FRMPD4: variants seen among roughly 807,000 people sequenced by gnomAD.
The protein encoded by FRMPD4 is FERM and PDZ domain-containing protein 4.
FRMPD4 carries 22 observed loss-of-function variants against 94.1 expected under a neutral mutation model. The observed-to-expected ratio is 0.23, with a 90% CI of 0.17 to 0.33. FRMPD4 has a LOEUF of 0.33. FRMPD4 is among the 10% of genes least tolerant of loss of function. FRMPD4 has a pLI of 1.00. For synonymous variants in FRMPD4, 631 were observed against 548.6 expected (o/e 1.15, Z -2.10); for missense variants, 1,111 against 1,339.9 (o/e 0.83, Z 2.67).
chrX:12,502,724 TAC>T (rs1203959203), intron 2 of FRMPD4, among the ~76,000 whole-genome samples: 2 of 112,060 alleles, frequency 1.8e-5, no homozygotes, highest in African/African-American at 6.5e-5. Context: ...TAAGTATTAA[TAC>T]AGAGATAGAT....
chrX:12,321,714 G>A (rs1344444604), intron 1 of FRMPD4, among the ~76,000 whole-genome samples: 1 of 111,887 alleles, frequency 8.9e-6, no homozygotes, highest in Non-Finnish European at 1.9e-5. Flanking sequence ...CCTGATCTCT[G>A]TCCTCATGAA....
intron 1 of FRMPD4, among the ~76,000 whole-genome samples, chrX:12,299,035 A>G (rs755939660): frequency 2.7e-5 from 3 of 112,250 alleles, no homozygotes; most frequent in Non-Finnish European, 3.8e-5. Context: ...ATAAACATCT[A>G]AGAATAAATG....
intron 3 of FRMPD4, among the ~76,000 whole-genome samples, chrX:12,072,339 G>A (rs887750674): frequency 8.9e-6 from 1 of 112,162 alleles, no homozygotes; most frequent in Non-Finnish European, 1.9e-5. Flanking sequence ...TACTCCTCAT[G>A]CAATATATTG....
chrX:12,281,363 T>TA (rs1467035096), intron 1 of FRMPD4, among the ~76,000 whole-genome samples: 1 of 106,977 alleles, frequency 9.3e-6, no homozygotes, highest in Non-Finnish European at 1.9e-5. Flanking sequence ...CTTCATTTTT[T>TA]AAAAAAGTCT....
chrX:12,699,011 T>C (rs1489979340), intron 9 of FRMPD4, among the ~76,000 whole-genome samples: 3 of 112,232 alleles, frequency 2.7e-5, no homozygotes, highest in Non-Finnish European at 5.6e-5. Flanking sequence ...CTGGGGCTTT[T>C]GTCTCTAAAT....
intron 3 of FRMPD4, among the ~76,000 whole-genome samples, chrX:12,030,283 C>A (rs1341927797): frequency 8.9e-6 from 1 of 112,072 alleles, no homozygotes; most frequent in Non-Finnish European, 1.9e-5. Context: ...AGTTCAGCAC[C>A]ACTCTATTAG....
At position 12,639,060 on chromosome X, in the gene FRMPD4, C is replaced by T. The variant is rs1381458999; in HGVS notation, c.422+24179C>T. 2.7e-5 allele frequency among the ~76,000 whole-genome samples: 3 copies of T among 111,876 alleles called. No individual in the cohort carries two copies. In the East Asian group the frequency reaches 8.4e-4, roughly 31 times the overall value. ...AGCCCTTTTTCCTTGCCTCCATTTC[C>T]TTCCACATGGATACTGTTGGTATGA... On this transcript the variant is annotated intron_variant, in intron 4 of 16. Coordinates refer to ENST00000675598, the MANE Select transcript of FRMPD4 (RefSeq NM_001368397.1).
chrX:12,334,611 A>AAAG (rs2055487045), intron 1 of FRMPD4, among the ~76,000 whole-genome samples: 1 of 88,880 alleles, frequency 1.1e-5, no homozygotes, highest in African/African-American at 6.3e-5. Context: ...TTCATTGGTG[A>AAAG]AAAAAAAAAA....
chrX:12,301,015 G>A (rs2054851763), intron 1 of FRMPD4, among the ~76,000 whole-genome samples: 1 of 111,924 alleles, frequency 8.9e-6, no homozygotes, highest in Non-Finnish European at 1.9e-5. Flanking sequence ...GAGCAGAAGT[G>A]TTTCCTCCAC....
At chrX:12,176,800 A>G (rs1229182432) in intron 1 of FRMPD4, among the ~76,000 whole-genome samples, 1 of 112,299 alleles carries the variant, frequency 8.9e-6, no homozygotes, top group Non-Finnish European at 1.9e-5. Flanking sequence ...TGGCACTTTG[A>G]AAAGTCTAGT....
At chrX:11,955,567 G>A (rs764358630) in intron 3 of FRMPD4, among the ~76,000 whole-genome samples, 2 of 109,536 alleles carry the variant, frequency 1.8e-5, no homozygotes, top group Admixed American at 9.8e-5. Flanking sequence ...GTGAAACCCC[G>A]TCTCTACTAA....
chrX:12,130,040 T>A (rs1333071445), intron 3 of FRMPD4, among the ~76,000 whole-genome samples: 1 of 108,993 alleles, frequency 9.2e-6, no homozygotes, highest in Non-Finnish European at 1.9e-5. Flanking sequence ...AGGCATGCAT[T>A]CAGCTGCAAG....
At chrX:11,990,396 C>T (rs1229085003) in intron 3 of FRMPD4, among the ~76,000 whole-genome samples, 2 of 112,102 alleles carry the variant, frequency 1.8e-5, no homozygotes, top group Non-Finnish European at 3.8e-5. Context: ...GGTTGCATAA[C>T]ATTGTTAATG....
At chrX:11,888,532 A>C (rs1489227877) in intron 3 of FRMPD4, among the ~76,000 whole-genome samples, 2 of 111,990 alleles carry the variant, frequency 1.8e-5, no homozygotes, top group Middle Eastern at 9.3e-3. Flanking sequence ...GGGCTGTTTC[A>C]TTTTTATATA....
chrX:12,463,679 G>GTTTTTT (rs1569286293), intron 1 of FRMPD4, among the ~76,000 whole-genome samples: 5 of 33,333 alleles, frequency 1.5e-4, no homozygotes, highest in East Asian at 1.2e-3. Flanking sequence ...TCCTATGTGT[G>GTTTTTT]TGTTTTTTTT....
chrX:12,280,975 C>T (rs1419867109), intron 1 of FRMPD4, among the ~76,000 whole-genome samples: 1 of 112,197 alleles, frequency 8.9e-6, no homozygotes, highest in Non-Finnish European at 1.9e-5. Flanking sequence ...TCTTCTCTCT[C>T]AGACTGTACC....
At chrX:11,911,345 G>A (rs1232013915) in intron 3 of FRMPD4, among the ~76,000 whole-genome samples, 1 of 112,289 alleles carries the variant, frequency 8.9e-6, no homozygotes, top group African/African-American at 3.2e-5. Context: ...AGGACATTCT[G>A]TTCAGGGAAG....
chrX:12,560,477 GAAAAA>G lies in FRMPD4; in HGVS notation c.159-49227_159-49223del, dbSNP rs199808235. 9.6e-3 allele frequency among the ~76,000 whole-genome samples: 791 copies of G among 82,773 alleles called. 9 individuals carry two copies. Among genetic ancestry groups the G allele is most frequent in the African/African-American group, 0.021 (515 of 24,096 alleles). 71.9% of individuals were successfully genotyped at this position (82,773 alleles called of 115,157 possible). A position where few individuals can be genotyped will look rare whatever the true frequency, so the allele number is the denominator to read the frequency against. ...AGTAATGCATTCTTTCTTTAAAAAT[GAAAAA>G]AAAAAAAAAAAAAAAACCCAGCAAC... On this transcript the variant is annotated intron_variant, in intron 2 of 16. Coordinates refer to ENST00000675598, the MANE Select transcript of FRMPD4 (RefSeq NM_001368397.1).
At chrX:12,009,519 C>T (rs770992975) in intron 3 of FRMPD4, among the ~76,000 whole-genome samples, 3 of 111,840 alleles carry the variant, frequency 2.7e-5, no homozygotes, top group Admixed American at 9.5e-5. Flanking sequence ...CTGCTTTTTC[C>T]GGTGTTTCAT....
Sources: allele counts gnomAD v4.1 joint callset (sites outside exome capture counted in the v4.1 genomes callset), GRCh38; gene constraint gnomAD v4.1.1; transcripts MANE v1.5; gene names NCBI Gene and HGNC (gene_info 2026-07-23, HGNC 2026-07-21).